The following SRP19 variants were observed in gnomAD, a reference collection of about 807,000 sequenced individuals.
SRP19 encodes the protein signal recognition particle 19 kDa protein.
Under a neutral mutation model 22.4 loss-of-function variants are expected in SRP19, and 11 were observed. The observed-to-expected ratio is 0.49, with a 90% CI of 0.31 to 0.81. The LOEUF (loss-of-function observed/expected upper bound fraction) is 0.81, where lower values mean the gene tolerates loss of function less well. SRP19 is among the 40% of genes least tolerant of loss of function. The pLI is 0.05. For missense variants in SRP19, 168 were observed against 175.9 expected (o/e 0.96, Z 0.25); for synonymous variants, 61 against 57.6 (o/e 1.06, Z -0.27).
intron 4 of SRP19, among the ~76,000 whole-genome samples, chr5:112,880,294 A>C (rs1222218214): frequency 6.6e-6 from 1 of 152,218 alleles, no homozygotes; most frequent in Non-Finnish European, 1.5e-5. Context: ...CAGGAGACCA[A>C]GCCTTCCACT....
rs529400648 is a variant in SRP19, at chr5:112,891,025, G to C, written c.302-578G>C. 2.3e-4 allele frequency among the ~76,000 whole-genome samples: 35 copies of C among 150,822 alleles called. 2 individuals carry two copies. The highest frequency in any genetic ancestry group is 8.6e-4 in the African/African-American group (35 of 40,578). ...TAACAGGAGAACATGTTAGCTTTCA[G>C]TAGGGGAAAGCAAATCCTAGAACCA... On this transcript the variant is annotated intron_variant, in intron 4 of 4. Coordinates refer to the SRP19 transcript ENST00000391338.
At chr5:112,863,744 A>C (rs1767493468) in intron 2 of SRP19, among the ~76,000 whole-genome samples, 1 of 150,942 alleles carries the variant, frequency 6.6e-6, no homozygotes, top group Non-Finnish European at 1.5e-5. Flanking sequence ...AGCGCACTGC[A>C]GGCTCCACCT....
At position 112,862,696 on chromosome 5, in the gene SRP19, G is replaced by A; in HGVS notation, c.117+113G>A. The A allele has an allele frequency of 1.4e-5, 13 of 916,800 alleles. No individual in the cohort carries two copies. The South Asian group carries it at 1.7e-4, about 12-fold the overall frequency. The allele number at this position is 916,800 out of a possible 1,614,324, so 56.8% of individuals were successfully genotyped here. A position where few individuals can be genotyped will look rare whatever the true frequency, so the allele number is the denominator to read the frequency against. On this transcript the variant is annotated intron_variant, in intron 2 of 4. Coordinates refer to ENST00000505459, the MANE Select transcript of SRP19 (RefSeq NM_003135.3). ...GGTTCTCTTCACTGCATTTATTTAG[G>A]GCTTGAGAACACAGCCAAGAATTGG...
Position 112,867,677 on chromosome 5 carries a change from T to A in SRP19, c.*140T>A. 1.5e-6 allele frequency: 2 copies of A among 1,365,996 alleles called. No homozygotes were observed. The highest frequency in any genetic ancestry group is 1.9e-6 in the Non-Finnish European group (2 of 1,055,226). The allele number at this position is 1,365,996 out of a possible 1,614,324, so 84.6% of individuals were successfully genotyped here. On this transcript the variant is annotated 3_prime_UTR_variant, in exon 5 of 5. Coordinates refer to ENST00000505459, the MANE Select transcript of SRP19 (RefSeq NM_003135.3). ...ACCCTTGTGCCTCTCATCTTTATCA[T>A]CGGAGTTGACAGTGAAACAAATTTA...
At chr5:112,882,477 C>T (rs1160645598) in intron 4 of SRP19, among the ~76,000 whole-genome samples, 1 of 152,228 alleles carries the variant, frequency 6.6e-6, no homozygotes. Flanking sequence ...ACAACCTTGA[C>T]ACAACTCTCC....
At chr5:112,886,171 G>T (rs1441429759) in intron 4 of SRP19, among the ~76,000 whole-genome samples, 2 of 152,226 alleles carry the variant, frequency 1.3e-5, no homozygotes, top group African/African-American at 4.8e-5. Context: ...AGAGAAGCCT[G>T]CCTGCGCTTC....
chr5:112,891,806 C>T (rs1768462444), exon 5 of SRP19: 1 of 1,601,306 alleles, frequency 6.2e-7, no homozygotes, highest in African/African-American at 1.3e-5. Flanking sequence ...GAAGAGGACA[C>T]TTTTATTGAA....
rs1329813662 is a variant in SRP19, at chr5:112,867,568, C to G, written c.*31C>G. On this transcript the variant is annotated 3_prime_UTR_variant, in exon 5 of 5. Transcript: ENST00000505459. ...TATCAGCATCAAGTATGTGGTACTA[C>G]TGTAAGAGACATGAATGGAGACTTC... 3 of 1,558,548 alleles carry G rather than the reference C, an allele frequency of 1.9e-6. No individual in the cohort carries two copies. The highest frequency in any genetic ancestry group is 2.6e-6 in the Non-Finnish European group (3 of 1,152,514).
At chr5:112,880,954 C>T (rs1040755692) in intron 4 of SRP19, among the ~76,000 whole-genome samples, 6 of 152,056 alleles carry the variant, frequency 3.9e-5, no homozygotes, top group Admixed American at 1.3e-4. Flanking sequence ...CATGGCATAA[C>T]GGTGTCTCTA....
chr5:112,892,390 G>T, exon 5 of SRP19: 2 of 1,614,072 alleles, frequency 1.2e-6, no homozygotes, highest in Admixed American at 1.7e-5. Context: ...TGTGTTGCCC[G>T]AGTTCAAGAA....
chr5:112,886,083 C>G lies in SRP19; in HGVS notation c.302-5520C>G, dbSNP rs1238111412. Among the ~76,000 whole-genome samples, 6 of 152,346 alleles carry G rather than the reference C, an allele frequency of 3.9e-5. No individual in the cohort carries two copies. The East Asian group carries it at 1.2e-3, about 29-fold the overall frequency. On this transcript the variant is annotated intron_variant, in intron 4 of 4. Coordinates refer to the SRP19 transcript ENST00000391338. Reference sequence around the variant, plus strand: ...GAGGAGACTGGCCAATGAACTCTTTCACCAGCTGGTTAGTGTCTAAGGAGT... The same window carrying G: ...GAGGAGACTGGCCAATGAACTCTTTGACCAGCTGGTTAGTGTCTAAGGAGT...
At chr5:112,875,336 G>A (rs564941658) in intron 4 of SRP19, among the ~76,000 whole-genome samples, 60 of 151,700 alleles carry the variant, frequency 4.0e-4, no homozygotes, top group Middle Eastern at 3.4e-3. Flanking sequence ...GCGGACCAGC[G>A]CATACCTTCA....
chr5:112,878,056 A>G (rs1402914248), intron 4 of SRP19: 1 of 147,120 alleles, frequency 6.8e-6, no homozygotes, highest in Non-Finnish European at 1.5e-5. Context: ...GTGAGTAACT[A>G]ACTAACTAAC....
chr5:112,892,910 A>G (rs1322143961), exon 5 of SRP19: 1 of 1,608,518 alleles, frequency 6.2e-7, no homozygotes, highest in African/African-American at 1.3e-5. Context: ...GAGAGGCACA[A>G]TTCACCAAGC....
Position 112,864,603 on chromosome 5 carries a change from T to G in SRP19, c.190-18T>G, listed in dbSNP as rs761960530. The G allele has an allele frequency of 6.2e-7, 1 of 1,612,840 alleles. No homozygotes were observed. Among genetic ancestry groups the G allele is most frequent in the Non-Finnish European group, 8.5e-7 (1 of 1,179,036 alleles). Reference sequence around the variant, plus strand: ...AACTTTCTTAAGTCCTGTTTTTCTTTTGTTTCGTTTATGTTAGAAAAATAA... The same window carrying G: ...AACTTTCTTAAGTCCTGTTTTTCTTGTGTTTCGTTTATGTTAGAAAAATAA... On this transcript the variant is annotated intron_variant, in intron 3 of 4. Transcript: ENST00000505459.
At chr5:112,867,364 T>C (rs1463485560) in intron 4 of SRP19, 40 bp from the exon 5 acceptor site, 2 of 1,584,422 alleles carry the variant, frequency 1.3e-6, no homozygotes, top group African/African-American at 1.4e-5. Context: ...TTATGTCTTA[T>C]TTCTCAGATT....
In SRP19 at chr5:112,888,094, T is replaced by G. The variant is rs1580733405; in HGVS notation, c.302-3509T>G. Among the ~76,000 whole-genome samples the G allele has an allele frequency of 3.9e-5, 6 of 152,232 alleles. No individual in the cohort carries two copies. The South Asian group carries it at 1.2e-3, about 31-fold the overall frequency. On this transcript the variant is annotated intron_variant, in intron 4 of 4. Transcript: ENST00000391338. ...ACTCTACAAAAAAACAGAAGTCACT[T>G]ACAGAGATTCCAAATCAGTATTTTT...
chr5:112,871,726 T>A (rs1767766862), downstream of SRP19, among the ~76,000 whole-genome samples: 1 of 152,090 alleles, frequency 6.6e-6, no homozygotes. Flanking sequence ...GCCACTGCAC[T>A]CCAGCCTGGG....
At position 112,868,853 on chromosome 5, in the gene SRP19, A is replaced by G. The variant is rs1561640837; in HGVS notation, c.*1316A>G. 6.6e-6 allele frequency: 1 copy of G among 152,050 alleles called. No individual in the cohort carries two copies. Among genetic ancestry groups the G allele is most frequent in the Non-Finnish European group, 1.5e-5 (1 of 68,014 alleles). 9.4% of individuals were successfully genotyped at this position (152,050 alleles called of 1,614,324 possible). A position where few individuals can be genotyped will look rare whatever the true frequency, so the allele number is the denominator to read the frequency against. On this transcript the variant is annotated 3_prime_UTR_variant, in exon 5 of 5. Transcript: ENST00000505459. Reference sequence around the variant, plus strand: ...AGTGATCCTCCTGCCTCAACCTCCCAAAGTGCTGGGATTACAGGCATGAGC... The same window carrying G: ...AGTGATCCTCCTGCCTCAACCTCCCGAAGTGCTGGGATTACAGGCATGAGC...
Sources: allele counts gnomAD v4.1 joint callset (sites outside exome capture counted in the v4.1 genomes callset), GRCh38; gene constraint gnomAD v4.1.1; transcripts MANE v1.5; gene names NCBI Gene and HGNC (gene_info 2026-07-23, HGNC 2026-07-21).